TAF4B: variants seen among roughly 807,000 people sequenced by gnomAD.
TAF4B encodes the protein TATA-box binding protein associated factor 4b.
In TAF4B, 38 loss-of-function variants were observed where a neutral mutation model predicts 86.4. The observed-to-expected ratio is 0.44, with a 90% CI of 0.34 to 0.58. The LOEUF (loss-of-function observed/expected upper bound fraction) is 0.58, where lower values mean the gene tolerates loss of function less well. Ranked by LOEUF, TAF4B falls within the 20% of genes least tolerant of loss-of-function variation. The pLI is 0.02. For synonymous variants in TAF4B, 388 were observed against 391.2 expected, an observed-to-expected ratio of 0.99 and a Z score of 0.10; for missense variants, 988 against 1,027.6, an observed-to-expected ratio of 0.96 and a Z score of 0.53.
intron 13 of TAF4B, among the ~76,000 whole-genome samples, chr18:26,344,612 G>T (rs2057161743): frequency 6.6e-6 from 1 of 152,212 alleles, no homozygotes; most frequent in African/African-American, 2.4e-5. Flanking sequence ...CTTCAGGAAT[G>T]AAGAAAGCAC....
intron 1 of TAF4B, among the ~76,000 whole-genome samples, chr18:26,261,989 G>A (rs747541977): frequency 6.6e-6 from 1 of 152,142 alleles, no homozygotes; most frequent in African/African-American, 2.4e-5. Flanking sequence ...CTGGGTGTGG[G>A]CAGTACTCAG....
intron 9 of TAF4B, among the ~76,000 whole-genome samples, chr18:26,309,971 T>C (rs934603444): frequency 4.6e-5 from 7 of 152,202 alleles, no homozygotes; most frequent in African/African-American, 1.7e-4. Flanking sequence ...ATTAGAGGCA[T>C]GCAACCATGC....
rs34188640 is a variant in TAF4B at position 26,385,679 on chromosome 18, G to GT, written c.2422-4151dup. On this transcript the variant is annotated intron_variant, in intron 14 of 14. Coordinates refer to ENST00000269142, the MANE Select transcript of TAF4B (RefSeq NM_005640.3). ...ACTAACAGTGAGAAGAATAAACAGC[G>GT]TTTTTTTTTTTTTTTCTTCTTCTTC... Among the ~76,000 whole-genome samples the GT allele has an allele frequency of 8.9e-3, 981 of 109,762 alleles. 9 individuals are homozygous for GT. Among genetic ancestry groups the GT allele is most frequent in the South Asian group, 0.013 (27 of 2,072 alleles). The allele number at this position is 109,762 out of a possible 152,430, so 72.0% of individuals were successfully genotyped here.
chr18:26,254,012 G>C (rs1049912999), intron 1 of TAF4B, among the ~76,000 whole-genome samples: 5 of 148,896 alleles, frequency 3.4e-5, no homozygotes, highest in African/African-American at 1.2e-4. Context: ...TACAACCTCT[G>C]CCTCCCGGGT....
At chr18:26,246,432 T>C (rs1440582122) in intron 1 of TAF4B, among the ~76,000 whole-genome samples, 1 of 152,160 alleles carries the variant, frequency 6.6e-6, no homozygotes, top group Non-Finnish European at 1.5e-5. Context: ...TGGAATGTAA[T>C]AGAGTGTAGC....
In TAF4B at chr18:26,227,025, T is replaced by C. The variant is rs753286434; in HGVS notation, c.92T>C (p.Leu31Pro). 7.4e-6 allele frequency: 11 copies of C among 1,490,114 alleles called. No individual in the cohort carries two copies. The highest frequency in any genetic ancestry group is 9.7e-6 in the Non-Finnish European group (11 of 1,134,324). 92.3% of individuals were successfully genotyped at this position (1,490,114 alleles called of 1,614,324 possible). The change falls in exon 1 of 15, where the codon CTG becomes CCG. Residue 31 changes from leucine (L) to proline (P), a missense_variant. By Grantham distance (98) the Leu-to-Pro change is moderately conservative. Around this residue, in one of 3 missense-constraint regions of TAF4B, gnomAD observed 747 missense variants for 737.9 expected, o/e 1.01. Coordinates refer to ENST00000269142, the MANE Select transcript of TAF4B (RefSeq NM_005640.3). ...GTVTMAPAGA[L>P]PVRVESTPVA... ...GTGACCATGGCCCCGGCCGGGGCGC[T>C]GCCGGTGCGGGTGGAGAGCACTCCG...
intron 13 of TAF4B, among the ~76,000 whole-genome samples, chr18:26,354,497 TA>T (rs1181319247): frequency 2.0e-5 from 3 of 152,192 alleles, no homozygotes; most frequent in Non-Finnish European, 4.4e-5. Context: ...GAACAAATAG[TA>T]AATTATTCTA....
intron 11 of TAF4B, among the ~76,000 whole-genome samples, chr18:26,322,185 G>A (rs566461004): frequency 3.9e-5 from 6 of 152,234 alleles, no homozygotes; most frequent in South Asian, 2.1e-4. Context: ...GGTCATTGCC[G>A]TGATATCCTA....
chr18:26,278,622 T>C (rs2056411227), intron 5 of TAF4B, among the ~76,000 whole-genome samples: 1 of 151,992 alleles, frequency 6.6e-6, no homozygotes, highest in South Asian at 2.1e-4. Flanking sequence ...TGTTGTTTTT[T>C]TTTTTTTTTT....
At position 26,278,696 on chromosome 18, in the gene TAF4B, C is replaced by A. The variant is rs551319071; in HGVS notation, c.883-3275C>A. Reference sequence around the variant, plus strand: ...TTTCACTTTGCCATTGCCTTTCTTACCGGTAGTTTTACCCATTGTTGCCTT... The same window carrying A: ...TTTCACTTTGCCATTGCCTTTCTTAACGGTAGTTTTACCCATTGTTGCCTT... On this transcript the variant is annotated intron_variant, in intron 5 of 14. Transcript: ENST00000269142. 2.0e-5 allele frequency among the ~76,000 whole-genome samples: 3 copies of A among 151,694 alleles called. No individual in the cohort carries two copies. The South Asian group carries it at 6.3e-4, about 32-fold the overall frequency.
At chr18:26,267,820 C>T (rs1446206817) in intron 3 of TAF4B, among the ~76,000 whole-genome samples, 197 bp downstream of exon 3, 1 of 152,098 alleles carries the variant, frequency 6.6e-6, no homozygotes, top group East Asian at 1.9e-4. Flanking sequence ...TCTTGGAATA[C>T]CAGTTTTACT....
At chr18:26,312,613 G>C (rs1448831536) in intron 9 of TAF4B, among the ~76,000 whole-genome samples, 2 of 152,150 alleles carry the variant, frequency 1.3e-5, no homozygotes. Context: ...GGTATTGGTA[G>C]TAAGTAGGCC....
At chr18:26,250,478 C>T (rs550739438) in intron 1 of TAF4B, among the ~76,000 whole-genome samples, 13 of 141,654 alleles carry the variant, frequency 9.2e-5, no homozygotes, top group Non-Finnish European at 2.0e-4. Flanking sequence ...GCCTGGGCAA[C>T]AGAGCGAGAC....
chr18:26,315,032 T>G (rs142558862), intron 9 of TAF4B, among the ~76,000 whole-genome samples, 197 bp from the exon 10 acceptor site: 1 of 151,726 alleles, frequency 6.6e-6, no homozygotes, highest in East Asian at 2.0e-4. Flanking sequence ...CTTGATTGGA[T>G]GAATTAAGTA....
chr18:26,366,903 T>A (rs962843558), intron 14 of TAF4B, among the ~76,000 whole-genome samples: 7 of 152,220 alleles, frequency 4.6e-5, no homozygotes, highest in Admixed American at 3.3e-4. Flanking sequence ...ATGTATTATC[T>A]TCATTAGTCC....
chr18:26,297,950 A>G (rs931153808), intron 9 of TAF4B, among the ~76,000 whole-genome samples: 1 of 150,070 alleles, frequency 6.7e-6, no homozygotes, highest in African/African-American at 2.4e-5. Context: ...CCATTTTTCC[A>G]TTTCCACCAA....
At chr18:26,235,351 A>G (rs1217070195) in intron 1 of TAF4B, among the ~76,000 whole-genome samples, 3 of 152,170 alleles carry the variant, frequency 2.0e-5, no homozygotes, top group African/African-American at 4.8e-5. Flanking sequence ...AGGATAAGCC[A>G]GTATAGGTTG....
chr18:26,229,280 G>A (rs181600827), intron 1 of TAF4B, among the ~76,000 whole-genome samples: 5 of 152,252 alleles, frequency 3.3e-5, no homozygotes, highest in Middle Eastern at 3.4e-3. Flanking sequence ...AAGATAAGTT[G>A]TCTTTAGGAA....
intron 1 of TAF4B, among the ~76,000 whole-genome samples, chr18:26,238,152 A>G (rs1223798185): frequency 6.6e-6 from 1 of 152,306 alleles, no homozygotes; most frequent in Non-Finnish European, 1.5e-5. Flanking sequence ...AAGAGGACCA[A>G]GAAAAATCGG....
Sources: gnomAD v4.1 joint callset for allele counts (sites outside exome capture counted in the v4.1 genomes callset) on GRCh38, gnomAD v4.1.1 for gene constraint, gnomAD v4.1.1 regional missense constraint, MANE v1.5 for transcripts, NCBI Gene and HGNC (gene_info 2026-07-23, HGNC 2026-07-21) for gene names.